Variants in ZNF366 observed in about 807,000 individuals in gnomAD.
ZNF366 encodes dendritic cell-specific transcript protein.
Under a neutral mutation model 47.2 loss-of-function variants are expected in ZNF366, and 20 were observed. That is an observed-to-expected ratio of 0.42 (90% confidence interval 0.30 to 0.62). The LOEUF is 0.62. ZNF366 is among the 20% of genes least tolerant of loss of function. The pLI, the probability that ZNF366 is intolerant of heterozygous loss-of-function variation, is 0.16. For synonymous variants in ZNF366, 421 were observed against 395.1 expected, an observed-to-expected ratio of 1.07 and a Z score of -0.78; for missense variants, 987 against 976.3, an observed-to-expected ratio of 1.01 and a Z score of -0.15.
At chr5:72,483,098 T>C (rs1743821207) in intron 1 of ZNF366, among the ~76,000 whole-genome samples, 1 of 152,178 alleles carries the variant, frequency 6.6e-6, no homozygotes. Flanking sequence ...CCTGCTGTAA[T>C]TCATGGTGAG....
intron 1 of ZNF366, among the ~76,000 whole-genome samples, chr5:72,478,037 T>C (rs1743711004): frequency 6.6e-6 from 1 of 152,176 alleles, no homozygotes; most frequent in South Asian, 2.1e-4. Context: ...TGAATCCTAT[T>C]TCTGAATTCC....
intron 3 of ZNF366, among the ~76,000 whole-genome samples, chr5:72,455,363 A>G (rs1209140022): frequency 6.6e-6 from 1 of 152,216 alleles, no homozygotes; most frequent in Non-Finnish European, 1.5e-5. Flanking sequence ...ACCCCACTTC[A>G]GGAATATAGA....
intron 1 of ZNF366, among the ~76,000 whole-genome samples, chr5:72,478,036 T>C (rs112214981): frequency 0.014 from 2,121 of 152,248 alleles, 21 homozygotes; most frequent in Non-Finnish European, 0.023. Flanking sequence ...ATGAATCCTA[T>C]TTCTGAATTC....
Position 72,442,296 on chromosome 5 carries a change from T to C in ZNF366, c.*1460A>G, listed in dbSNP as rs1380164936. 1.3e-5 allele frequency: 2 copies of C among 152,184 alleles called. No individual in the cohort carries two copies. Among genetic ancestry groups the C allele is most frequent in the African/African-American group, 2.4e-5 (1 of 41,436 alleles). The allele number at this position is 152,184 out of a possible 1,614,324, so 9.4% of individuals were successfully genotyped here. A position where few individuals can be genotyped will look rare whatever the true frequency, so the allele number is the denominator to read the frequency against. ...TGGAAGCCACAGAAATGGTGAGTTC[T>C]ATTTTAGTCCCCTCAATCTTCTCAA... is the stretch of plus-strand genomic sequence containing the variant. On this transcript the variant is annotated 3_prime_UTR_variant, in exon 5 of 5. Transcript: ENST00000318442.
At chr5:72,476,297 C>A (rs1333456915) in intron 1 of ZNF366, among the ~76,000 whole-genome samples, 1 of 152,102 alleles carries the variant, frequency 6.6e-6, no homozygotes, top group Non-Finnish European at 1.5e-5. Context: ...ACCAAAATCA[C>A]CTCAGGATCT....
At chr5:72,465,251 T>C (rs1191164734) in intron 1 of ZNF366, among the ~76,000 whole-genome samples, 1 of 150,706 alleles carries the variant, frequency 6.6e-6, no homozygotes, top group Non-Finnish European at 1.5e-5. Context: ...AGATCAGCTG[T>C]GGCTGCTTCT....
rs770990735 is a variant in ZNF366 at position 72,461,184 on chromosome 5, T to C, written c.313A>G (p.Lys105Glu). ...VTLALHSEEN[K>E]NHGLPNLPLL... ...GGGAGGTTGGGAAGGCCGTGGTTTT[T>C]GTTCTCCTCTGAGTGGAGGGCGAGG... Residue 105 changes from lysine to glutamate, a missense_variant, in exon 2 of 5, where the codon AAA becomes GAA. Physicochemically the swap from Lys to Glu is moderately conservative, Grantham distance 56. This residue lies in a region of ZNF366 where 591 missense variants were observed against 560.9 expected (regional missense o/e 1.05). Coordinates refer to ENST00000318442, the MANE Select transcript of ZNF366 (RefSeq NM_152625.3). 1 of 1,614,132 alleles carries C rather than the reference T, an allele frequency of 6.2e-7. No individual in the cohort carries two copies. The highest frequency in any genetic ancestry group is 1.1e-5 in the South Asian group (1 of 91,080).
chr5:72,462,142 G>A (rs569858781), intron 1 of ZNF366, among the ~76,000 whole-genome samples: 1 of 152,294 alleles, frequency 6.6e-6, no homozygotes, highest in African/African-American at 2.4e-5. Flanking sequence ...TCGTTTCTGA[G>A]TATCCACTCT....
chr5:72,470,782 C>T (rs1743546721), intron 1 of ZNF366, among the ~76,000 whole-genome samples: 1 of 152,218 alleles, frequency 6.6e-6, no homozygotes, highest in South Asian at 2.1e-4. Context: ...CGTAAATTAA[C>T]TGCCAAGAAC....
At chr5:72,469,682 G>A (rs1332239537) in intron 1 of ZNF366, among the ~76,000 whole-genome samples, 1 of 152,176 alleles carries the variant, frequency 6.6e-6, no homozygotes, top group Non-Finnish European at 1.5e-5. Context: ...ATCCTTCAAG[G>A]TAGTCTTTTG....
chr5:72,494,632 G>A (rs1045175330), intron 1 of ZNF366, among the ~76,000 whole-genome samples: 3 of 148,646 alleles, frequency 2.0e-5, no homozygotes, highest in African/African-American at 5.0e-5. Context: ...TTTGGTGTCA[G>A]GAGGGCTACT....
chr5:72,460,580 G>T lies in ZNF366; in HGVS notation c.917C>A (p.Thr306Lys), dbSNP rs755041329. Residue 306 changes from threonine (T) to lysine (K), a missense_variant, in exon 2 of 5, where the codon ACG becomes AAG. Transcript: ENST00000318442. ...LHTHMLTHQG[T>K]RPHKCQVCHK... ...GCACACCTGGCACTTGTGGGGCCGC[G>T]TGCCCTGGTGGGTCAGCATGTGGGT... 6.2e-7 allele frequency: 1 copy of T among 1,614,106 alleles called. No homozygotes were observed. Among genetic ancestry groups the T allele is most frequent in the Admixed American group, 1.7e-5 (1 of 60,036 alleles).
intron 1 of ZNF366, among the ~76,000 whole-genome samples, chr5:72,487,933 C>T (rs780624669): frequency 5.9e-5 from 9 of 152,098 alleles, no homozygotes; most frequent in Middle Eastern, 3.4e-3. Context: ...GTACTGGGTG[C>T]GGTGGCTCAC....
Position 72,460,988 on chromosome 5 carries a change from A to G in ZNF366, c.509T>C (p.Leu170Pro), listed in dbSNP as rs1261923237. The G allele has an allele frequency of 1.2e-6, 2 of 1,613,858 alleles. No homozygotes were observed. Among genetic ancestry groups the G allele is most frequent in the African/African-American group, 2.7e-5 (2 of 74,914 alleles). The change falls in exon 2 of 5, where the codon CTG becomes CCG. Residue 170 changes from leucine (L) to proline (P), a missense_variant. Leu to Pro is a moderately conservative substitution (Grantham distance 98). Transcript: ENST00000318442. ...VWPQPTPTPF[L>P]PTPYPYYPKV... Reference sequence around the variant, plus strand: ...GGGGTAGTAGGGGTAGGGCGTGGGCAGGAATGGAGTGGGCGTTGGCTGGGG... The same window carrying G: ...GGGGTAGTAGGGGTAGGGCGTGGGCGGGAATGGAGTGGGCGTTGGCTGGGG...
intron 3 of ZNF366, among the ~76,000 whole-genome samples, chr5:72,452,825 T>C (rs925830691): frequency 1.3e-5 from 2 of 152,218 alleles, no homozygotes; most frequent in Admixed American, 6.5e-5. Context: ...TTTGCTGTTA[T>C]GGAGTTTGGC....
intron 1 of ZNF366, among the ~76,000 whole-genome samples, chr5:72,505,845 C>T (rs995959875): frequency 1.1e-4 from 17 of 152,188 alleles, no homozygotes; most frequent in Non-Finnish European, 2.9e-5. Context: ...CAGTAAAACA[C>T]TTTCAATTGT....
intron 1 of ZNF366, among the ~76,000 whole-genome samples, chr5:72,464,366 C>A (rs902980556): frequency 6.6e-6 from 1 of 152,078 alleles, no homozygotes; most frequent in Non-Finnish European, 1.5e-5. Context: ...AGTCTATGCA[C>A]GTTATTATTG....
Position 72,456,476 on chromosome 5 carries a change from C to T in ZNF366, c.1452G>A (p.Lys484=), listed in dbSNP as rs1049739988. 6.2e-7 allele frequency: 1 copy of T among 1,613,918 alleles called. No individual in the cohort carries two copies. Residue 484 remains lysine, a synonymous_variant, in exon 3 of 5, where the codon AAG becomes AAA. Transcript: ENST00000318442. ...TGAGGGTCTGCTTCTGCACGAAGCT[C>T]TTGTAGCAGAGGTGACACTGGTAGG... ...IRAYQCHLCY[K]SFVQKQTLKA...
chr5:72,450,682 G>T (rs1743048975), intron 3 of ZNF366, among the ~76,000 whole-genome samples: 1 of 152,150 alleles, frequency 6.6e-6, no homozygotes, highest in African/African-American at 2.4e-5. Context: ...TCACACCTGG[G>T]CGGTAGGTAC....
Sources: allele counts gnomAD v4.1 joint callset (sites outside exome capture counted in the v4.1 genomes callset), GRCh38; gene constraint gnomAD v4.1.1; regional missense constraint gnomAD v4.1.1; transcripts MANE v1.5; gene names NCBI Gene and HGNC (gene_info 2026-07-23, HGNC 2026-07-21).